Variants in TTC7B observed in about 807,000 individuals in gnomAD.
TTC7B encodes tetratricopeptide repeat protein 7B.
TTC7B carries 28 observed loss-of-function variants against 106.8 expected under a neutral mutation model. That is an observed-to-expected ratio of 0.26 (90% CI 0.19 to 0.36). The LOEUF is 0.36. Among genes scored for constraint, TTC7B ranks in the 10% least tolerant of loss-of-function variants. TTC7B has a pLI of 1.00. For synonymous variants in TTC7B, 405 were observed against 430.6 expected, an observed-to-expected ratio of 0.94 and a Z score of 0.74; for missense variants, 862 against 1,076.4, an observed-to-expected ratio of 0.80 and a Z score of 2.79.
intron 5 of TTC7B, among the ~76,000 whole-genome samples, chr14:90,714,730 T>A (rs2139971308): frequency 6.6e-6 from 1 of 152,312 alleles, no homozygotes; most frequent in East Asian, 1.9e-4. Context: ...GTGCTGAGAT[T>A]ATAGGCGTGA....
intron 1 of TTC7B, among the ~76,000 whole-genome samples, chr14:90,815,182 G>A (rs753596284): frequency 6.6e-6 from 1 of 152,204 alleles, no homozygotes; most frequent in Admixed American, 6.5e-5. Context: ...AGGATGAAAT[G>A]AGACAAACCC....
At chr14:90,777,273 GATAC>G (rs2140032274) in intron 3 of TTC7B, among the ~76,000 whole-genome samples, 1 of 152,162 alleles carries the variant, frequency 6.6e-6, no homozygotes, top group African/African-American at 2.4e-5. Flanking sequence ...GAGTGAATGA[GATAC>G]TGGGATAAAG....
intron 3 of TTC7B, among the ~76,000 whole-genome samples, chr14:90,771,244 A>C (rs760087851): frequency 1.1e-4 from 16 of 152,184 alleles, no homozygotes; most frequent in Non-Finnish European, 1.8e-4. Flanking sequence ...AAAGCTATAG[A>C]GTATATTTAT....
rs1049950880 is a variant in TTC7B, at chr14:90,530,912, A to G, written c.*10456T>C. 2 of 152,218 alleles carry G rather than the reference A, an allele frequency of 1.3e-5. No homozygotes were observed. Among genetic ancestry groups the G allele is most frequent in the Non-Finnish European group, 2.9e-5 (2 of 68,048 alleles). The allele number at this position is 152,218 out of a possible 1,614,324, so 9.4% of individuals were successfully genotyped here. On this transcript the variant is annotated 3_prime_UTR_variant, in exon 20 of 20. Transcript: ENST00000328459. ...CCAAAATCTCACAAATCACCACTAAAGAACTTACTCATGTAACCACTGTGT... is the reference window on the plus strand; with the variant it reads ...CCAAAATCTCACAAATCACCACTAAGGAACTTACTCATGTAACCACTGTGT...
At chr14:90,811,812 C>T (rs1420872589) in intron 1 of TTC7B, among the ~76,000 whole-genome samples, 1 of 152,172 alleles carries the variant, frequency 6.6e-6, no homozygotes, top group Non-Finnish European at 1.5e-5. Flanking sequence ...ACTCAGTCGC[C>T]GAGCTTGCCT....
intron 3 of TTC7B, among the ~76,000 whole-genome samples, chr14:90,746,162 T>C (rs1434270457): frequency 2.0e-5 from 3 of 152,232 alleles, no homozygotes; most frequent in Non-Finnish European, 4.4e-5. Flanking sequence ...GTTGATATTA[T>C]TTTGTCCTTA....
chr14:90,666,950 ACTCAAAT>A (rs1312699337), intron 9 of TTC7B, among the ~76,000 whole-genome samples: 3 of 152,218 alleles, frequency 2.0e-5, no homozygotes, highest in Non-Finnish European at 4.4e-5. Flanking sequence ...CCGGGGTCCT[ACTCAAAT>A]ACTACTCCAT....
At chr14:90,699,655 A>G (rs1887907309) in intron 5 of TTC7B, among the ~76,000 whole-genome samples, 1 of 152,204 alleles carries the variant, frequency 6.6e-6, no homozygotes, top group Non-Finnish European at 1.5e-5. Flanking sequence ...CTAAAGATCA[A>G]ACACAATAAG....
intron 3 of TTC7B, among the ~76,000 whole-genome samples, chr14:90,773,833 C>T (rs906147927): frequency 2.0e-5 from 3 of 152,206 alleles, no homozygotes; most frequent in African/African-American, 7.2e-5. Flanking sequence ...CCCCAAAAAG[C>T]CCCATTCCTT....
intron 17 of TTC7B, among the ~76,000 whole-genome samples, chr14:90,597,969 G>A (rs1166584658): frequency 1.3e-5 from 2 of 152,216 alleles, no homozygotes; most frequent in African/African-American, 4.8e-5. Flanking sequence ...CCAAGGCTCT[G>A]CAGAAATAAG....
rs910738627 is a variant in TTC7B at position 90,528,625 on chromosome 14, G to C, written c.*12743C>G. On this transcript the variant is annotated 3_prime_UTR_variant, in exon 20 of 20. Transcript: ENST00000328459. ...CCGTTTCCGATGGTGTGACCTGACT[G>C]TGCTTTGTTACCTGTTTCTGATGGT... 1 of 152,466 alleles carries C rather than the reference G, an allele frequency of 6.6e-6. No individual in the cohort carries two copies. Among genetic ancestry groups the C allele is most frequent in the Non-Finnish European group, 1.5e-5 (1 of 68,678 alleles). 9.4% of individuals were successfully genotyped at this position (152,466 alleles called of 1,614,324 possible). A position where few individuals can be genotyped will look rare whatever the true frequency, so the allele number is the denominator to read the frequency against.
At chr14:90,717,555 A>T (rs1888705694) in intron 5 of TTC7B, among the ~76,000 whole-genome samples, 1 of 152,160 alleles carries the variant, frequency 6.6e-6, no homozygotes, top group South Asian at 2.1e-4. Context: ...TATCCTAAGA[A>T]AAGTCATAAA....
intron 16 of TTC7B, among the ~76,000 whole-genome samples, chr14:90,614,485 CATG>C (rs1234314325): frequency 6.6e-6 from 1 of 152,098 alleles, no homozygotes; most frequent in African/African-American, 2.4e-5. Context: ...CTCATGGGTA[CATG>C]ATGGAGATGG....
chr14:90,708,372 A>G (rs1888300577), intron 5 of TTC7B, among the ~76,000 whole-genome samples: 1 of 152,220 alleles, frequency 6.6e-6, no homozygotes, highest in African/African-American at 2.4e-5. Context: ...TTCAAAGGAC[A>G]GGCTGACTCT....
At chr14:90,691,014 A>G (rs190179229) in intron 6 of TTC7B, among the ~76,000 whole-genome samples, 1 of 152,340 alleles carries the variant, frequency 6.6e-6, no homozygotes, top group Admixed American at 6.5e-5. Flanking sequence ...TAAAGATCTC[A>G]TAAGAACACA....
At chr14:90,654,051 A>T (rs930836757) in intron 12 of TTC7B, among the ~76,000 whole-genome samples, 1 of 152,334 alleles carries the variant, frequency 6.6e-6, no homozygotes. Flanking sequence ...GACCTTTGAT[A>T]TTTTAGGGCA....
rs6575149 is a variant in TTC7B at position 90,757,459 on chromosome 14, A to G, written c.446-12537T>C. Among the ~76,000 whole-genome samples the G allele has an allele frequency of 0.096, 14,653 of 152,106 alleles. 1,719 individuals are homozygous for G. Among genetic ancestry groups the G allele is most frequent in the African/African-American group, 0.28 (11,707 of 41,414 alleles). On this transcript the variant is annotated intron_variant, in intron 3 of 19. Transcript: ENST00000328459. This position sits in a 1 kb window ranked among gnomAD's most constrained non-coding sequence, Gnocchi z 4.1. ...ACCCTGTCTCTAAAAAAAGAAAGAAAGAAAAGAAAAGCAGATTCTCAAGGA... is the reference window on the plus strand; with the variant it reads ...ACCCTGTCTCTAAAAAAAGAAAGAAGGAAAAGAAAAGCAGATTCTCAAGGA...
intron 3 of TTC7B, among the ~76,000 whole-genome samples, chr14:90,750,254 T>C (rs1483407723): frequency 2.0e-5 from 3 of 152,184 alleles, no homozygotes; most frequent in African/African-American, 7.2e-5. Flanking sequence ...CTTCTGCTTA[T>C]ATGAAAAGCA....
chr14:90,574,145 G>A (rs989219818), intron 19 of TTC7B, among the ~76,000 whole-genome samples: 2 of 152,152 alleles, frequency 1.3e-5, no homozygotes, highest in Non-Finnish European at 2.9e-5. Context: ...CCCCACCCCA[G>A]AACATGGAAT....
Sources: gnomAD v4.1 joint callset for allele counts (sites outside exome capture counted in the v4.1 genomes callset) on GRCh38, gnomAD v4.1.1 for gene constraint, Gnocchi (gnomAD v3.1) non-coding constraint, MANE v1.5 for transcripts, NCBI Gene and HGNC (gene_info 2026-07-23, HGNC 2026-07-21) for gene names.